MAP3K4: variants seen among roughly 807,000 people sequenced by gnomAD.
MAP3K4 encodes MAP three kinase 1.
A neutral mutation model predicts 185.6 loss-of-function variants in MAP3K4; 67 were observed. The ratio of observed to expected loss-of-function variants is 0.36; its 90% CI spans 0.30 to 0.44. The LOEUF (loss-of-function observed/expected upper bound fraction) is 0.44. Ranked by LOEUF, MAP3K4 falls within the 20% of genes least tolerant of loss-of-function variation. MAP3K4 has a pLI of 1.00. For synonymous variants in MAP3K4, 702 were observed against 710.4 expected, an observed-to-expected ratio of 0.99 and a Z score of 0.19; for missense variants, 1,551 against 1,995.1, an observed-to-expected ratio of 0.78 and a Z score of 4.24.
intron 3 of MAP3K4, among the ~76,000 whole-genome samples, chr6:161,052,738 CGTGCTTGTGT>C (rs1784061393): frequency 6.6e-6 from 1 of 151,840 alleles, no homozygotes; most frequent in African/African-American, 2.4e-5. Flanking sequence ...TGTGTGTGTG[CGTGCTTGTGT>C]GTGTATGTGT....
At position 161,097,209 on chromosome 6, in the gene MAP3K4, A is replaced by G. The variant is rs750516309; in HGVS notation, c.3524+33A>G. On this transcript the variant is annotated intron_variant, in intron 16 of 26. Coordinates refer to ENST00000392142, the MANE Select transcript of MAP3K4 (RefSeq NM_005922.4). This position sits in a 1 kb window ranked among gnomAD's most constrained non-coding sequence, Gnocchi z 4.9. ...GTGCTTATCTAGTCATTTGCTTTAC[A>G]GAGTGCCCTCCGATATGCATGCTCA... is the stretch of plus-strand genomic sequence containing the variant. 5.1e-6 allele frequency: 8 copies of G among 1,582,574 alleles called. No homozygotes were observed. In the South Asian group the frequency reaches 8.9e-5, roughly 18 times the overall value.
Position 161,070,467 on chromosome 6 carries a change from TATTAA to T in MAP3K4, c.1708-138_1708-134del, listed in dbSNP as rs59851471. 2.2e-4 allele frequency: 126 copies of T among 570,170 alleles called. No homozygotes were observed. The highest frequency in any genetic ancestry group is 2.2e-3 in the African/African-American group (113 of 52,210). 35.3% of individuals were successfully genotyped at this position (570,170 alleles called of 1,614,324 possible). ...GTTGAAGTTATTAAATTCATTAAAT[TATTAA>T]ATATTCTTTTCCCTGTAAAATTAGA... On this transcript the variant is annotated intron_variant, in intron 3 of 26. Coordinates refer to ENST00000392142, the MANE Select transcript of MAP3K4 (RefSeq NM_005922.4). The surrounding 1 kb of genome is among the most constrained non-coding windows in gnomAD (Gnocchi z 4.5).
rs955576992 is a variant in MAP3K4, at chr6:161,007,901, G to A, written c.152+15818G>A. On this transcript the variant is annotated intron_variant, in intron 1 of 26. Coordinates refer to ENST00000392142, the MANE Select transcript of MAP3K4 (RefSeq NM_005922.4). The surrounding 1 kb of genome is among the most constrained non-coding windows in gnomAD (Gnocchi z 4.5). ...TTTTTTTATATCAGTTGTAGGGTACGGTGAAATATCAGAGATGTTAAAATT... is the reference window on the plus strand; with the variant it reads ...TTTTTTTATATCAGTTGTAGGGTACAGTGAAATATCAGAGATGTTAAAATT... 6.6e-6 allele frequency among the ~76,000 whole-genome samples: 1 copy of A among 152,104 alleles called. No individual in the cohort carries two copies. Among genetic ancestry groups the A allele is most frequent in the African/African-American group, 2.4e-5 (1 of 41,418 alleles).
rs907150986 is a variant in MAP3K4, at chr6:161,037,440, C to T, written c.343+2991C>T. ...AGGATTTCTTTTATTTTTTCTGAGA[C>T]GGAGTTTCACTCTTGTTGCCCAGGC... On this transcript the variant is annotated intron_variant, in intron 2 of 26. Transcript: ENST00000392142. The surrounding 1 kb of genome is among the most constrained non-coding windows in gnomAD (Gnocchi z 4.2). Among the ~76,000 whole-genome samples the T allele has an allele frequency of 2.0e-5, 3 of 151,832 alleles. No homozygotes were observed. Among genetic ancestry groups the T allele is most frequent in the Non-Finnish European group, 4.4e-5 (3 of 67,966 alleles).
intron 2 of MAP3K4, among the ~76,000 whole-genome samples, chr6:161,045,910 C>G (rs1242100827): frequency 6.6e-6 from 1 of 152,116 alleles, no homozygotes; most frequent in East Asian, 1.9e-4. Context: ...ACATTCTATT[C>G]TAGGTCTTCA....
chr6:161,098,565 G>A lies in MAP3K4; in HGVS notation c.3674+138G>A, dbSNP rs775174155. The A allele has an allele frequency of 3.3e-5, 33 of 1,009,478 alleles. No homozygotes were observed. Among genetic ancestry groups the A allele is most frequent in the African/African-American group, 6.6e-5 (4 of 60,904 alleles). The allele number at this position is 1,009,478 out of a possible 1,614,324, so 62.5% of individuals were successfully genotyped here. On this transcript the variant is annotated intron_variant, in intron 17 of 26. Coordinates refer to ENST00000392142, the MANE Select transcript of MAP3K4 (RefSeq NM_005922.4). This position sits in a 1 kb window ranked among gnomAD's most constrained non-coding sequence, Gnocchi z 4.4. Reference sequence around the variant, plus strand: ...TGTGAGTGATGCTCTAGGGCCTTCCGCAGGTTGTCACGGCCCAGAGGCTCT... The same window carrying A: ...TGTGAGTGATGCTCTAGGGCCTTCCACAGGTTGTCACGGCCCAGAGGCTCT...
Position 161,081,079 on chromosome 6 carries a change from C to T in MAP3K4, c.2255+41C>T, listed in dbSNP as rs1215953147. The T allele has an allele frequency of 5.0e-6, 8 of 1,594,606 alleles. No homozygotes were observed. The Admixed American group carries it at 1.4e-4, about 27-fold the overall frequency. On this transcript the variant is annotated intron_variant, in intron 6 of 26. Transcript: ENST00000392142. ...CTTCTGAACGCGACGCTCCCACCTT[C>T]TCACTCTCACACCATTTACTCACTG...
In MAP3K4 at chr6:161,110,235, T is replaced by A. The variant is rs928863022; in HGVS notation, c.4396+321T>A. The stretch of plus-strand genomic sequence containing the variant: ...TTCGTGATCAAAGCAACCTTTTTTT[T>A]CTCTCGTGTCAGGATTCTTGTCTAT... On this transcript the variant is annotated intron_variant, in intron 23 of 26. Transcript: ENST00000392142. This position sits in a 1 kb window ranked among gnomAD's most constrained non-coding sequence, Gnocchi z 4.8. Among the ~76,000 whole-genome samples the A allele has an allele frequency of 1.3e-5, 2 of 152,234 alleles. No homozygotes were observed. Among genetic ancestry groups the A allele is most frequent in the Non-Finnish European group, 2.9e-5 (2 of 68,046 alleles).
rs1228579904 is a variant in MAP3K4 at position 161,093,518 on chromosome 6, A to C, written c.3349-255A>C. On this transcript the variant is annotated intron_variant, in intron 14 of 26. Transcript: ENST00000392142. This position sits in a 1 kb window ranked among gnomAD's most constrained non-coding sequence, Gnocchi z 5.2. ...CAGTAGTAGAGACGATTACATGAAAAGTTCTTTGCTTGTACACGTTATTGT... is the reference window on the plus strand; with the variant it reads ...CAGTAGTAGAGACGATTACATGAAACGTTCTTTGCTTGTACACGTTATTGT... Among the ~76,000 whole-genome samples the C allele has an allele frequency of 1.3e-5, 2 of 152,334 alleles. No homozygotes were observed. The highest frequency in any genetic ancestry group is 3.9e-4 in the East Asian group (2 of 5,188).
At chr6:161,092,873 C>A in intron 13 of MAP3K4, 105 bp from the exon 14 acceptor site, 1 of 659,914 alleles carries the variant, frequency 1.5e-6, no homozygotes. Context: ...GTGTCTTGTC[C>A]TAAATAGTAA....
intron 19 of MAP3K4, among the ~76,000 whole-genome samples, chr6:161,105,698 G>GT (rs1236920627): frequency 6.6e-6 from 1 of 152,204 alleles, no homozygotes; most frequent in Non-Finnish European, 1.5e-5. Flanking sequence ...AAGTAAAGTA[G>GT]TTTGGTGTGT....
At position 161,106,611 on chromosome 6, in the gene MAP3K4, T is replaced by C; in HGVS notation, c.3954T>C (p.Ile1318=). The change falls in exon 20 of 27, where the codon ATT becomes ATC. Residue 1318 remains isoleucine, a synonymous_variant. Coordinates refer to ENST00000392142, the MANE Select transcript of MAP3K4 (RefSeq NM_005922.4). The surrounding 1 kb of genome is among the most constrained non-coding windows in gnomAD (Gnocchi z 4.9). ...GAGAAATGAGGAGAAAGAATATCAT[T>C]GGTCAAGTTTGTGATACGCCTAAGT... is the stretch of plus-strand genomic sequence containing the variant. The part of the protein sequence containing the change: ...RYREMRRKNI[I]GQVCDTPKSY... The C allele has an allele frequency of 1.2e-6, 2 of 1,614,026 alleles. No homozygotes were observed. Among genetic ancestry groups the C allele is most frequent in the South Asian group, 1.1e-5 (1 of 91,074 alleles).
chr6:161,033,400 G>A (rs996006733), intron 1 of MAP3K4, among the ~76,000 whole-genome samples: 7 of 152,128 alleles, frequency 4.6e-5, no homozygotes, highest in Non-Finnish European at 8.8e-5. Context: ...ATTGAACTTT[G>A]TCAAAATAGT....
chr6:161,049,584 A>G lies in MAP3K4; in HGVS notation c.1312A>G (p.Asn438Asp). 6.2e-7 allele frequency: 1 copy of G among 1,614,190 alleles called. No individual in the cohort carries two copies. The change falls in exon 3 of 27, where the codon AAT becomes GAT. Residue 438 changes from asparagine to aspartate, a missense_variant. By Grantham distance (23) the Asn-to-Asp change is conservative. Around this residue, in one of 16 missense-constraint regions of MAP3K4, gnomAD observed 126 missense variants for 112.8 expected, o/e 1.12. Transcript: ENST00000392142. This position sits in a 1 kb window ranked among gnomAD's most constrained non-coding sequence, Gnocchi z 8.4. ...EIPSPRPSKG[N>D]EPEYEGDDTE... is the part of the protein sequence containing the mutation. ...CCCTTCCCCTCGACCATCCAAAGGTAATGAGCCGGAGTATGAGGGTGATGA... is the reference window on the plus strand; with the variant it reads ...CCCTTCCCCTCGACCATCCAAAGGTGATGAGCCGGAGTATGAGGGTGATGA...
intron 1 of MAP3K4, among the ~76,000 whole-genome samples, chr6:160,997,518 G>A (rs1302876515): frequency 6.6e-6 from 1 of 152,110 alleles, no homozygotes; most frequent in African/African-American, 2.4e-5. Context: ...CTCCTTTTGG[G>A]GTGGTACCTG....
rs1233907088 is a variant in MAP3K4 at position 161,101,432 on chromosome 6, A to G, written c.3675-460A>G. 6.6e-6 allele frequency: 1 copy of G among 152,390 alleles called. No individual in the cohort carries two copies. The highest frequency in any genetic ancestry group is 1.5e-5 in the Non-Finnish European group (1 of 68,192). 9.4% of individuals were successfully genotyped at this position (152,390 alleles called of 1,614,324 possible). A position where few individuals can be genotyped will look rare whatever the true frequency, so the allele number is the denominator to read the frequency against. On this transcript the variant is annotated intron_variant, in intron 17 of 26. Coordinates refer to ENST00000392142, the MANE Select transcript of MAP3K4 (RefSeq NM_005922.4). This position sits in a 1 kb window ranked among gnomAD's most constrained non-coding sequence, Gnocchi z 5.1. ...GATGGTAACTTTAAAGATCAGCAAG[A>G]TTTGGTTAATAACAGTTTTATTCAC...
In MAP3K4 at chr6:161,106,804, C is replaced by A; in HGVS notation, c.4048+99C>A. 2.1e-6 allele frequency: 2 copies of A among 953,720 alleles called. No homozygotes were observed. The highest frequency in any genetic ancestry group is 3.0e-6 in the Non-Finnish European group (2 of 674,810). 59.1% of individuals were successfully genotyped at this position (953,720 alleles called of 1,614,324 possible). A position where few individuals can be genotyped will look rare whatever the true frequency, so the allele number is the denominator to read the frequency against. The stretch of plus-strand genomic sequence containing the variant: ...AATCCTATAGAGTTGGCCCTTTTTT[C>A]TTGTAGACATAGCAAGTATGCATTG... On this transcript the variant is annotated intron_variant, in intron 20 of 26. Coordinates refer to ENST00000392142, the MANE Select transcript of MAP3K4 (RefSeq NM_005922.4). The surrounding 1 kb of genome is among the most constrained non-coding windows in gnomAD (Gnocchi z 4.9).
intron 13 of MAP3K4, 127 bp downstream of exon 13, chr6:161,092,270 C>A: frequency 9.6e-7 from 1 of 1,042,442 alleles, no homozygotes; most frequent in Non-Finnish European, 1.3e-6. Flanking sequence ...CTTCGGTGAT[C>A]AGGTTTTTTT....
chr6:161,069,007 G>C (rs773232053), intron 3 of MAP3K4, among the ~76,000 whole-genome samples: 1 of 152,250 alleles, frequency 6.6e-6, no homozygotes, highest in Non-Finnish European at 1.5e-5. Flanking sequence ...TAATGGTCCA[G>C]AAGGAGAGAC....
Sources: allele counts gnomAD v4.1 joint callset (sites outside exome capture counted in the v4.1 genomes callset), GRCh38; gene constraint gnomAD v4.1.1; regional missense constraint gnomAD v4.1.1; non-coding constraint Gnocchi (gnomAD v3.1); transcripts MANE v1.5; gene names NCBI Gene and HGNC (gene_info 2026-07-23, HGNC 2026-07-21).